PTPN1: variants seen among roughly 807,000 people sequenced by gnomAD.
The protein encoded by PTPN1 is protein tyrosine phosphatase non-receptor type 1, also known as tyrosine-protein phosphatase non-receptor type 1.
A neutral mutation model predicts 59.9 loss-of-function variants in PTPN1; 12 were observed. That is an observed-to-expected ratio of 0.20 (90% confidence interval 0.13 to 0.32). PTPN1 has a LOEUF of 0.32. Ranked by LOEUF, PTPN1 falls within the 10% of genes least tolerant of loss-of-function variation. The pLI is 1.00. For missense variants in PTPN1, 356 were observed against 549.2 expected, an observed-to-expected ratio of 0.65 and a Z score of 3.52; for synonymous variants, 178 against 203.6, an observed-to-expected ratio of 0.87 and a Z score of 1.07.
In PTPN1 at chr20:50,582,964, A is replaced by C. The variant is rs1318142819; in HGVS notation, c.*249A>C. The C allele has an allele frequency of 1.7e-6, 1 of 576,442 alleles. No homozygotes were observed. Among genetic ancestry groups the C allele is most frequent in the East Asian group, 2.8e-5 (1 of 35,170 alleles). The allele number at this position is 576,442 out of a possible 1,614,324, so 35.7% of individuals were successfully genotyped here. A position where few individuals can be genotyped will look rare whatever the true frequency, so the allele number is the denominator to read the frequency against. ...AGCCATTTTTTGAGGAGAGTGAAAGAGAGTACCATGCTGGCGGCGCAGAGG... is the reference window on the plus strand; with the variant it reads ...AGCCATTTTTTGAGGAGAGTGAAAGCGAGTACCATGCTGGCGGCGCAGAGG... On this transcript the variant is annotated 3_prime_UTR_variant, in exon 10 of 10. Coordinates refer to ENST00000371621, the MANE Select transcript of PTPN1 (RefSeq NM_002827.4). This position sits in a 1 kb window ranked among gnomAD's most constrained non-coding sequence, Gnocchi z 4.2.
At chr20:50,528,228 C>T (rs1271824378) in intron 1 of PTPN1, among the ~76,000 whole-genome samples, 2 of 152,138 alleles carry the variant, frequency 1.3e-5, no homozygotes, top group Admixed American at 6.5e-5. Flanking sequence ...TGTCTAGGTC[C>T]TCCCATGGCC....
rs549199898 is a variant in PTPN1 at position 50,520,129 on chromosome 20, TG to T, written c.63+9542del. On this transcript the variant is annotated intron_variant, in intron 1 of 9. Coordinates refer to ENST00000371621, the MANE Select transcript of PTPN1 (RefSeq NM_002827.4). Reference sequence around the variant, plus strand: ...GCTCACGCCTGTAATCCCAGCACTTTGGGAGGCCGAGGTGGGTGGATCACTT... The same window carrying T: ...GCTCACGCCTGTAATCCCAGCACTTTGGAGGCCGAGGTGGGTGGATCACTT... Among the ~76,000 whole-genome samples the T allele has an allele frequency of 1.4e-4, 22 of 152,236 alleles. No individual in the cohort carries two copies. The East Asian group carries it at 3.7e-3, about 25-fold the overall frequency.
intron 1 of PTPN1, among the ~76,000 whole-genome samples, chr20:50,537,590 G>A (rs535307524): frequency 6.6e-6 from 1 of 152,142 alleles, no homozygotes; most frequent in South Asian, 2.1e-4. Flanking sequence ...AGGTTGTTTT[G>A]TTCTGCCCTC....
chr20:50,510,392 C>T lies in PTPN1; in HGVS notation c.-136C>T, dbSNP rs997079583. 3 of 903,728 alleles carry T rather than the reference C, an allele frequency of 3.3e-6. No individual in the cohort carries two copies. Among genetic ancestry groups the T allele is most frequent in the South Asian group, 1.6e-5 (1 of 63,158 alleles). The allele number at this position is 903,728 out of a possible 1,614,324, so 56.0% of individuals were successfully genotyped here. ...CCGGCTGCCGGTTGACATGAAGAAG[C>T]AGCAGCGGCTAGGGCGGCGGTAGCT... On this transcript the variant is annotated 5_prime_UTR_variant, in exon 1 of 10. It introduces an in-frame stop codon into an upstream open reading frame of the 5' UTR. Coordinates refer to ENST00000371621, the MANE Select transcript of PTPN1 (RefSeq NM_002827.4).
rs1373684170 is a variant in PTPN1 at position 50,582,384 on chromosome 20, G to A, written c.1285-308G>A. Among the ~76,000 whole-genome samples the A allele has an allele frequency of 3.9e-5, 6 of 152,228 alleles. No homozygotes were observed. Among genetic ancestry groups the A allele is most frequent in the Admixed American group, 3.9e-4 (6 of 15,284 alleles). On this transcript the variant is annotated intron_variant, in intron 9 of 9. Coordinates refer to ENST00000371621, the MANE Select transcript of PTPN1 (RefSeq NM_002827.4). This position sits in a 1 kb window ranked among gnomAD's most constrained non-coding sequence, Gnocchi z 4.2. ...AGACGTGTGTTGCTGTTAAGTAAGG[G>A]GAAGAGAGAGGACTAGCCTCAGAGC...
chr20:50,565,882 T>C (rs890719288), intron 3 of PTPN1, among the ~76,000 whole-genome samples: 4 of 152,262 alleles, frequency 2.6e-5, no homozygotes, highest in African/African-American at 9.6e-5. Context: ...ATTAAAATTC[T>C]GGGGAAGACA....
At chr20:50,562,242 G>A (rs940523027) in intron 2 of PTPN1, among the ~76,000 whole-genome samples, 1 of 152,176 alleles carries the variant, frequency 6.6e-6, no homozygotes, top group African/African-American at 2.4e-5. Flanking sequence ...CAGGGATGCA[G>A]AAGATTCTCC....
At chr20:50,511,548 T>A (rs2082507490) in intron 1 of PTPN1, among the ~76,000 whole-genome samples, 1 of 152,342 alleles carries the variant, frequency 6.6e-6, no homozygotes, top group East Asian at 1.9e-4. Flanking sequence ...CTTTCCTCAA[T>A]GAGCAGCTTA....
chr20:50,534,848 C>G (rs1455147614), intron 1 of PTPN1, among the ~76,000 whole-genome samples: 1 of 152,156 alleles, frequency 6.6e-6, no homozygotes, highest in Non-Finnish European at 1.5e-5. Context: ...ACGTCAGCCT[C>G]TGGAGTAGCT....
At chr20:50,569,539 C>T (rs935510658) in intron 4 of PTPN1, among the ~76,000 whole-genome samples, 3 of 151,894 alleles carry the variant, frequency 2.0e-5, no homozygotes, top group African/African-American at 7.3e-5. Flanking sequence ...TGTAGATTGT[C>T]TGTGTAGACT....
In PTPN1 at chr20:50,574,283, A is replaced by T. The variant is rs1568795638; in HGVS notation, c.355-234A>T. 6 of 468,606 alleles carry T rather than the reference A, an allele frequency of 1.3e-5. No individual in the cohort carries two copies. The East Asian group carries it at 1.9e-4, about 15-fold the overall frequency. 29.0% of individuals were successfully genotyped at this position (468,606 alleles called of 1,614,324 possible). A position where few individuals can be genotyped will look rare whatever the true frequency, so the allele number is the denominator to read the frequency against. ...ATCCCGTTGCCACGTTTGACCGGGG[A>T]GCCGATGGGTTTGGAAGTCTGAGCC... is the stretch of plus-strand genomic sequence containing the variant. On this transcript the variant is annotated intron_variant, in intron 4 of 9. Transcript: ENST00000371621.
intron 1 of PTPN1, among the ~76,000 whole-genome samples, chr20:50,518,630 G>A (rs2082538912): frequency 6.6e-6 from 1 of 151,964 alleles, no homozygotes; most frequent in South Asian, 2.1e-4. Context: ...TTGGTTTGTT[G>A]TTGTTGTTGT....
intron 1 of PTPN1, among the ~76,000 whole-genome samples, chr20:50,530,332 A>G (rs991413840): frequency 3.9e-5 from 6 of 151,974 alleles, no homozygotes; most frequent in Non-Finnish European, 8.8e-5. Context: ...CTTGGAGCAA[A>G]GATTGCTTTT....
intron 2 of PTPN1, among the ~76,000 whole-genome samples, chr20:50,562,076 T>C (rs1186763478): frequency 6.6e-6 from 1 of 152,238 alleles, no homozygotes; most frequent in African/African-American, 2.4e-5. Context: ...TGTTAGAATT[T>C]GCATAAAGTA....
intron 1 of PTPN1, among the ~76,000 whole-genome samples, chr20:50,554,380 A>ATTCCCTCTCTCTCTCTC (rs11481722): frequency 7.1e-6 from 1 of 140,200 alleles, no homozygotes; most frequent in Non-Finnish European, 1.5e-5. Flanking sequence ...GCAAGACCAC[A>ATTCCCTCTCTCTCTCTC]TCTCTCTCTC....
At chr20:50,574,679 C>T in intron 5 of PTPN1, 25 bp downstream of exon 5, 1 of 1,582,792 alleles carries the variant, frequency 6.3e-7, no homozygotes, top group Non-Finnish European at 8.6e-7. Context: ...CACTTCAGCA[C>T]TTCAGGCGGC....
intron 1 of PTPN1, among the ~76,000 whole-genome samples, chr20:50,539,523 A>T (rs540073986): frequency 6.6e-6 from 1 of 151,538 alleles, no homozygotes; most frequent in South Asian, 2.1e-4. Flanking sequence ...TAAATATGTT[A>T]TTCTGTTGTC....
chr20:50,525,612 A>AT (rs10854185), intron 1 of PTPN1, among the ~76,000 whole-genome samples: 3,031 of 146,838 alleles, frequency 0.021, 92 homozygotes, highest in East Asian at 0.13. Flanking sequence ...CCTGGATTTG[A>AT]TTTTTTTTTT....
At chr20:50,557,731 G>A (rs371098627) in intron 1 of PTPN1, 3 of 152,050 alleles carry the variant, frequency 2.0e-5, no homozygotes, top group African/African-American at 7.2e-5. Flanking sequence ...GTGGCTCTTC[G>A]CGGGCATGAT....
Sources: allele counts gnomAD v4.1 joint callset (sites outside exome capture counted in the v4.1 genomes callset), GRCh38; gene constraint gnomAD v4.1.1; non-coding constraint Gnocchi (gnomAD v3.1); transcripts MANE v1.5; gene names NCBI Gene and HGNC (gene_info 2026-07-23, HGNC 2026-07-21).